PDE3A: variants seen among roughly 807,000 people sequenced by gnomAD.
The protein encoded by PDE3A is phosphodiesterase 3A.
Under a neutral mutation model 98.3 loss-of-function variants are expected in PDE3A, and 43 were observed. The ratio of observed to expected loss-of-function variants is 0.44; its 90% CI spans 0.34 to 0.56. PDE3A has a LOEUF of 0.56. PDE3A is among the 20% of genes least tolerant of loss of function. The probability of loss-of-function intolerance (pLI) is 0.01; values close to 1 mark genes in which losing one functional copy is unlikely to be tolerated. For missense variants in PDE3A, 1,427 were observed against 1,440.7 expected, an observed-to-expected ratio of 0.99 and a Z score of 0.15; for synonymous variants, 663 against 567.9, an observed-to-expected ratio of 1.17 and a Z score of -2.38.
chr12:20,476,490 C>T (rs1591971367), intron 1 of PDE3A, among the ~76,000 whole-genome samples: 2 of 152,228 alleles, frequency 1.3e-5, no homozygotes, highest in South Asian at 4.1e-4. Flanking sequence ...AACCGAATAA[C>T]TGAGTAAAAT....
chr12:20,679,854 A>G (rs888235268), intron 15 of PDE3A, among the ~76,000 whole-genome samples, 176 bp from the exon 16 acceptor site: 1 of 123,766 alleles, frequency 8.1e-6, no homozygotes, highest in African/African-American at 3.7e-5. Context: ...CTGCATTATT[A>G]TAATATACAG....
At chr12:20,432,611 C>T (rs577429594) in intron 1 of PDE3A, among the ~76,000 whole-genome samples, 4 of 152,122 alleles carry the variant, frequency 2.6e-5, no homozygotes, top group African/African-American at 9.6e-5. Context: ...GTCGATCATA[C>T]CTTAATAAAA....
At chr12:20,532,627 A>G (rs1407173315) in intron 1 of PDE3A, among the ~76,000 whole-genome samples, 1 of 152,122 alleles carries the variant, frequency 6.6e-6, no homozygotes, top group Non-Finnish European at 1.5e-5. Context: ...TGACAAGAGA[A>G]ATAACATTTG....
At chr12:20,448,782 C>T (rs1359989187) in intron 1 of PDE3A, among the ~76,000 whole-genome samples, 430 of 121,642 alleles carry the variant, frequency 3.5e-3, no homozygotes, top group African/African-American at 9.6e-3. Flanking sequence ...TGGAGTCTTG[C>T]TTTATTGCCC....
intron 1 of PDE3A, among the ~76,000 whole-genome samples, chr12:20,488,847 C>G (rs1200964580): frequency 6.8e-6 from 1 of 147,406 alleles, no homozygotes; most frequent in Non-Finnish European, 1.5e-5. Context: ...CACCACTATA[C>G]TGCAGTCTGG....
chr12:20,620,328 A>G lies in PDE3A; in HGVS notation c.1425-968A>G, dbSNP rs558387420. Among the ~76,000 whole-genome samples the G allele has an allele frequency of 1.1e-4, 17 of 152,184 alleles. No homozygotes were observed. The East Asian group carries it at 1.9e-3, about 17-fold the overall frequency. On this transcript the variant is annotated intron_variant, in intron 4 of 15. Coordinates refer to ENST00000359062, the MANE Select transcript of PDE3A (RefSeq NM_000921.5). ...CAAATCATATTTACGTAAATTATAGATTGTACCCAGTACCAAATTTACTAG... is the reference window on the plus strand; with the variant it reads ...CAAATCATATTTACGTAAATTATAGGTTGTACCCAGTACCAAATTTACTAG...
At chr12:20,508,669 G>C (rs79014424) in intron 1 of PDE3A, among the ~76,000 whole-genome samples, 1 of 151,924 alleles carries the variant, frequency 6.6e-6, no homozygotes, top group East Asian at 1.9e-4. Flanking sequence ...AGATGAAGCG[G>C]TTAGAATATG....
intron 1 of PDE3A, among the ~76,000 whole-genome samples, chr12:20,551,411 TA>T (rs1179023049): frequency 6.6e-6 from 1 of 152,110 alleles, no homozygotes; most frequent in African/African-American, 2.4e-5. Flanking sequence ...AAAAAGTCTT[TA>T]AAAAAAGATT....
chr12:20,456,833 A>G (rs1945160818), intron 1 of PDE3A, among the ~76,000 whole-genome samples: 1 of 152,118 alleles, frequency 6.6e-6, no homozygotes, highest in Non-Finnish European at 1.5e-5. Context: ...TGCCCACAGG[A>G]ATCAAGCAAA....
intron 9 of PDE3A, 54 bp downstream of exon 9, chr12:20,637,291 G>T (rs1260564542): frequency 2.2e-6 from 3 of 1,370,288 alleles, no homozygotes; most frequent in East Asian, 4.8e-5. Flanking sequence ...CAGTTCCTTT[G>T]TTGCTTAAAG....
intron 1 of PDE3A, among the ~76,000 whole-genome samples, chr12:20,386,761 A>G (rs984859641): frequency 3.3e-5 from 5 of 151,864 alleles, no homozygotes; most frequent in East Asian, 3.9e-4. Flanking sequence ...TTGTTTTGCT[A>G]TGGAGAAGCT....
In PDE3A at chr12:20,646,695, C is replaced by T. The variant is rs1221530817; in HGVS notation, c.2366-56C>T. On this transcript the variant is annotated intron_variant, in intron 11 of 15. Transcript: ENST00000359062. ...TTTTTCAAAAAGAAAGAAGTCAAGA[C>T]AAATAATGTCAGTACTTTTTTAAAA... 4.9e-6 allele frequency: 7 copies of T among 1,421,428 alleles called. No homozygotes were observed. In the East Asian group the frequency reaches 1.6e-4, roughly 32 times the overall value. The allele number at this position is 1,421,428 out of a possible 1,614,324, so 88.1% of individuals were successfully genotyped here. A position where few individuals can be genotyped will look rare whatever the true frequency, so the allele number is the denominator to read the frequency against.
chr12:20,536,543 C>G (rs1002020831), intron 1 of PDE3A, among the ~76,000 whole-genome samples: 5 of 152,110 alleles, frequency 3.3e-5, no homozygotes, highest in Admixed American at 3.3e-4. Context: ...TCACCTACCT[C>G]TCTACTACTT....
chr12:20,629,806 G>A (rs181118486), intron 5 of PDE3A, 102 bp from the exon 6 acceptor site: 6 of 864,258 alleles, frequency 6.9e-6, no homozygotes, highest in East Asian at 2.5e-5. Flanking sequence ...GAGCAGGCAC[G>A]TGGTTGTTAC....
At chr12:20,569,484 T>A (rs542614539) in intron 2 of PDE3A, among the ~76,000 whole-genome samples, 2 of 152,274 alleles carry the variant, frequency 1.3e-5, no homozygotes, top group South Asian at 4.1e-4. Flanking sequence ...AGCAGAATAG[T>A]TTTTGCAGAA....
intron 1 of PDE3A, among the ~76,000 whole-genome samples, chr12:20,538,022 G>A (rs1372059335): frequency 6.6e-6 from 1 of 152,016 alleles, no homozygotes; most frequent in Non-Finnish European, 1.5e-5. Flanking sequence ...ATAGAAATTG[G>A]GTCTTCTCTA....
chr12:20,501,156 A>T (rs750014906), intron 1 of PDE3A, among the ~76,000 whole-genome samples: 4 of 152,214 alleles, frequency 2.6e-5, no homozygotes, highest in Admixed American at 6.5e-5. Flanking sequence ...TGGTTCAGGC[A>T]TACAAGTTTT....
chr12:20,541,647 T>G (rs999964883), intron 1 of PDE3A, among the ~76,000 whole-genome samples: 4 of 152,070 alleles, frequency 2.6e-5, no homozygotes, highest in African/African-American at 9.7e-5. Flanking sequence ...CATCATCTAT[T>G]CCACTTTATT....
chr12:20,373,329 G>T (rs1943512668), intron 1 of PDE3A, among the ~76,000 whole-genome samples: 1 of 152,048 alleles, frequency 6.6e-6, no homozygotes, highest in South Asian at 2.1e-4. Context: ...TCCCAGAGCA[G>T]ATATGTCTCT....
Sources: gnomAD v4.1 joint callset for allele counts (sites outside exome capture counted in the v4.1 genomes callset) on GRCh38, gnomAD v4.1.1 for gene constraint, MANE v1.5 for transcripts, NCBI Gene and HGNC (gene_info 2026-07-23, HGNC 2026-07-21) for gene names.